NALF1: variants seen among roughly 807,000 people sequenced by gnomAD.
NALF1 encodes NALCN channel auxiliary factor 1, also known as family with sequence similarity 155 member A.
NALF1 carries 3 observed loss-of-function variants against 48.4 expected under a neutral mutation model. The observed-to-expected ratio is 0.06, with a 90% CI of 0.03 to 0.16. NALF1 has a LOEUF of 0.16. Among genes scored for constraint, NALF1 ranks in the 10% least tolerant of loss-of-function variants. The probability of loss-of-function intolerance (pLI) is 1.00; values close to 1 mark genes in which losing one functional copy is unlikely to be tolerated. For synonymous variants in NALF1, 262 were observed against 245.7 expected (o/e 1.07, Z -0.62); for missense variants, 526 against 571.5 (o/e 0.92, Z 0.81).
intron 1 of NALF1, among the ~76,000 whole-genome samples, chr13:107,782,939 C>T (rs200934429): frequency 2.7e-5 from 4 of 148,446 alleles, no homozygotes; most frequent in South Asian, 4.3e-4. Flanking sequence ...ACCCCCCGCC[C>T]GGCCAGCCGC....
intron 1 of NALF1, among the ~76,000 whole-genome samples, chr13:107,756,445 AT>A (rs1201662694): frequency 2.0e-5 from 3 of 147,538 alleles, no homozygotes; most frequent in Non-Finnish European, 4.4e-5. Flanking sequence ...CTATATATAT[AT>A]ATATATATAA....
intron 2 of NALF1, among the ~76,000 whole-genome samples, chr13:107,207,431 C>G (rs2138801215): frequency 6.6e-6 from 1 of 152,278 alleles, no homozygotes; most frequent in South Asian, 2.1e-4. Flanking sequence ...AATCTGGGAA[C>G]AAATTATATG....
In NALF1 at chr13:107,632,909, G is replaced by GAAA. The variant is rs57758796; in HGVS notation, c.915+232770_915+232772dup. 6.4e-3 allele frequency among the ~76,000 whole-genome samples: 896 copies of GAAA among 139,102 alleles called. 4 individuals carry two copies. The highest frequency in any genetic ancestry group is 0.017 in the South Asian group (74 of 4,386). 91.3% of individuals were successfully genotyped at this position (139,102 alleles called of 152,430 possible). ...CAGAAATTTTTATAACAAGCCTCAT[G>GAAA]AAAAAAAAAAAAAAGGAATGGCAAG... On this transcript the variant is annotated intron_variant, in intron 1 of 2. Transcript: ENST00000375915.
chr13:107,176,225 T>C (rs1205734768), intron 2 of NALF1, among the ~76,000 whole-genome samples: 5 of 152,068 alleles, frequency 3.3e-5, no homozygotes, highest in African/African-American at 9.7e-5. Context: ...TAGTGAAATG[T>C]TGTTCTGATA....
At chr13:107,505,659 A>G (rs1187293486) in intron 1 of NALF1, among the ~76,000 whole-genome samples, 1 of 152,172 alleles carries the variant, frequency 6.6e-6, no homozygotes, top group Non-Finnish European at 1.5e-5. Flanking sequence ...GGCAATGGAG[A>G]TTAGGAGTCC....
At chr13:107,310,794 T>C (rs1189067973) in intron 1 of NALF1, among the ~76,000 whole-genome samples, 1 of 152,034 alleles carries the variant, frequency 6.6e-6, no homozygotes, top group African/African-American at 2.4e-5. Context: ...TCTCCTGTCT[T>C]AGTCTGCAAA....
At chr13:107,517,890 T>C (rs1234129409) in intron 1 of NALF1, among the ~76,000 whole-genome samples, 1 of 150,712 alleles carries the variant, frequency 6.6e-6, no homozygotes, top group Admixed American at 6.6e-5. Context: ...AGGTGGACGT[T>C]TCAGTGAGCC....
At chr13:107,750,612 C>G (rs568514879) in intron 1 of NALF1, among the ~76,000 whole-genome samples, 1 of 148,662 alleles carries the variant, frequency 6.7e-6, no homozygotes, top group Non-Finnish European at 1.5e-5. Context: ...AGAAGAGCAA[C>G]AAATGAAACA....
chr13:107,522,261 G>T (rs1430489829), intron 1 of NALF1, among the ~76,000 whole-genome samples: 1 of 151,784 alleles, frequency 6.6e-6, no homozygotes, highest in African/African-American at 2.4e-5. Context: ...TCTCCCCTAC[G>T]CCACTGAAAC....
chr13:107,564,887 G>T (rs1429978066), intron 1 of NALF1, among the ~76,000 whole-genome samples: 3 of 151,862 alleles, frequency 2.0e-5, no homozygotes, highest in African/African-American at 7.3e-5. Context: ...CCCCATACAG[G>T]TGAGGCTGAC....
intron 1 of NALF1, among the ~76,000 whole-genome samples, chr13:107,259,393 C>A (rs1411380003): frequency 6.6e-6 from 1 of 152,146 alleles, no homozygotes; most frequent in Admixed American, 6.6e-5. Flanking sequence ...TCAGGAAAAA[C>A]CGCAAATGCT....
intron 1 of NALF1, among the ~76,000 whole-genome samples, chr13:107,412,126 CAG>C (rs1201877757): frequency 1.3e-5 from 2 of 152,150 alleles, no homozygotes; most frequent in African/African-American, 4.8e-5. Flanking sequence ...GTGACAGAGA[CAG>C]AGACACCAGT....
In NALF1 at chr13:107,751,184, C is replaced by T. The variant is rs1483407274; in HGVS notation, c.915+114498G>A. Among the ~76,000 whole-genome samples, 4 of 152,296 alleles carry T rather than the reference C, an allele frequency of 2.6e-5. No homozygotes were observed. The East Asian group carries it at 7.7e-4, about 29-fold the overall frequency. On this transcript the variant is annotated intron_variant, in intron 1 of 2. Coordinates refer to ENST00000375915, the MANE Select transcript of NALF1 (RefSeq NM_001080396.3). ...GGTTTCAGTTGAGTGACCTGCCTTA[C>T]CCTTTTTGGAGTGGGTAAATTATCG...
In NALF1 at chr13:107,411,866, C is replaced by T. The variant is rs1340555575; in HGVS notation, c.916-201111G>A. Among the ~76,000 whole-genome samples, 3 of 152,044 alleles carry T rather than the reference C, an allele frequency of 2.0e-5. No homozygotes were observed. In the East Asian group the frequency reaches 5.8e-4, roughly 29 times the overall value. Reference sequence around the variant, plus strand: ...GGGCTATTCCAGGCAGAGAGGACAGCTTGGATGGATGTCAAAGCAGAACAC... The same window carrying T: ...GGGCTATTCCAGGCAGAGAGGACAGTTTGGATGGATGTCAAAGCAGAACAC... On this transcript the variant is annotated intron_variant, in intron 1 of 2. Coordinates refer to ENST00000375915, the MANE Select transcript of NALF1 (RefSeq NM_001080396.3).
At chr13:107,614,278 A>G (rs751709814) in intron 1 of NALF1, among the ~76,000 whole-genome samples, 29 of 152,232 alleles carry the variant, frequency 1.9e-4, no homozygotes, top group Non-Finnish European at 3.8e-4. Context: ...AACATCATCA[A>G]GGATTGGAGA....
At chr13:107,826,042 G>A (rs894829670) in intron 1 of NALF1, among the ~76,000 whole-genome samples, 1 of 152,190 alleles carries the variant, frequency 6.6e-6, no homozygotes, top group Non-Finnish European at 1.5e-5. Flanking sequence ...GCCTCCCAAA[G>A]TGCTGGGATT....
chr13:107,325,456 T>A (rs1310413655), intron 1 of NALF1, among the ~76,000 whole-genome samples: 1 of 152,262 alleles, frequency 6.6e-6, no homozygotes, highest in East Asian at 1.9e-4. Context: ...CCAAAATTAG[T>A]ATGTTTCAGA....
At chr13:107,749,982 G>A (rs1036087737) in intron 1 of NALF1, among the ~76,000 whole-genome samples, 3 of 152,022 alleles carry the variant, frequency 2.0e-5, no homozygotes, top group Non-Finnish European at 2.9e-5. Flanking sequence ...ACAGTGCCCG[G>A]CTAATTTTTG....
rs758784630 is a variant in NALF1 at position 107,210,763 on chromosome 13, A to G, written c.916-8T>C. 1.3e-5 allele frequency: 21 copies of G among 1,605,994 alleles called. 1 individual carries two copies. In the Middle Eastern group the frequency reaches 2.1e-3, roughly 164 times the overall value. On this transcript the variant is annotated splice_polypyrimidine_tract_variant and splice_region_variant and intron_variant, in intron 1 of 2. Transcript: ENST00000375915. ...CCAGGCTTTGTAGACAATCTGAAAAAAAGAGAAGAATGAAAAATATAGAGG... is the reference window on the plus strand; with the variant it reads ...CCAGGCTTTGTAGACAATCTGAAAAGAAGAGAAGAATGAAAAATATAGAGG...
Sources: gnomAD v4.1 joint callset for allele counts (sites outside exome capture counted in the v4.1 genomes callset) on GRCh38, gnomAD v4.1.1 for gene constraint, MANE v1.5 for transcripts, NCBI Gene and HGNC (gene_info 2026-07-23, HGNC 2026-07-21) for gene names.